The following PLEKHH2 variants were observed in gnomAD, a reference collection of about 807,000 sequenced individuals.
PLEKHH2 encodes pleckstrin homology, MyTH4 and FERM domain containing H2.
Under a neutral mutation model 187.9 loss-of-function variants are expected in PLEKHH2, and 129 were observed. That is an observed-to-expected ratio of 0.69 (90% CI 0.59 to 0.79). PLEKHH2 has a LOEUF of 0.79. Ranked by LOEUF, PLEKHH2 falls within the 30% of genes least tolerant of loss-of-function variation. The pLI is 0.00. For missense variants in PLEKHH2, 2,076 were observed against 1,751.2 expected, an observed-to-expected ratio of 1.19 and a Z score of -3.31; for synonymous variants, 686 against 605.6, an observed-to-expected ratio of 1.13 and a Z score of -1.95.
intron 19 of PLEKHH2, among the ~76,000 whole-genome samples, chr2:43,737,803 G>A (rs959150339): frequency 2.0e-5 from 3 of 152,202 alleles, no homozygotes; most frequent in African/African-American, 4.8e-5. Context: ...CAGTCACACA[G>A]ACCAACCCTG....
chr2:43,646,578 C>T (rs1401216794), intron 2 of PLEKHH2, among the ~76,000 whole-genome samples: 1 of 152,156 alleles, frequency 6.6e-6, no homozygotes, highest in Non-Finnish European at 1.5e-5. Flanking sequence ...AATTTTATGG[C>T]AACATTTGTT....
At chr2:43,702,055 C>T (rs76103865) in intron 8 of PLEKHH2, among the ~76,000 whole-genome samples, 5,187 of 152,288 alleles carry the variant, frequency 0.034, 316 homozygotes, top group African/African-American at 0.12. Context: ...AGGCGTGTCA[C>T]GCCACTGCAC....
chr2:43,765,455 T>C lies in PLEKHH2; in HGVS notation c.4339T>C (p.Phe1447Leu). 1 of 1,614,124 alleles carries C rather than the reference T, an allele frequency of 6.2e-7. No individual in the cohort carries two copies. The highest frequency in any genetic ancestry group is 8.5e-7 in the Non-Finnish European group (1 of 1,179,996). The change falls in exon 30 of 30, where the codon TTC becomes CTC. Residue 1447 changes from phenylalanine to leucine, a missense_variant. Coordinates refer to ENST00000282406, the MANE Select transcript of PLEKHH2 (RefSeq NM_172069.4). ...TTTGATCGCCAGTTACATAAACAACTTCCATCAGCAAAAGGCAGCATTTCA... is the reference window on the plus strand; with the variant it reads ...TTTGATCGCCAGTTACATAAACAACCTCCATCAGCAAAAGGCAGCATTTCA... Reference protein sequence around the residue: ...TLLIASYINNFHQQKAAFHHL... With the variant: ...TLLIASYINNLHQQKAAFHHL...
intron 15 of PLEKHH2, among the ~76,000 whole-genome samples, chr2:43,714,156 G>C (rs1035227016): frequency 1.3e-5 from 2 of 152,120 alleles, no homozygotes; most frequent in East Asian, 3.9e-4. Flanking sequence ...CAAACCCTGA[G>C]AGTTTAAGAT....
intron 27 of PLEKHH2, among the ~76,000 whole-genome samples, chr2:43,760,361 T>TG (rs1249821243): frequency 7.2e-6 from 1 of 138,822 alleles, no homozygotes; most frequent in African/African-American, 2.8e-5. Context: ...CCTTTAACCT[T>TG]TTTTTTTTTT....
chr2:43,752,754 G>GC (rs971982537), intron 24 of PLEKHH2, among the ~76,000 whole-genome samples: 5 of 152,134 alleles, frequency 3.3e-5, no homozygotes, highest in African/African-American at 1.2e-4. Context: ...TGAAGTCAGA[G>GC]CCCCACAAAT....
intron 17 of PLEKHH2, 76 bp downstream of exon 17, chr2:43,726,527 CAATTTAATGGAAAT>C: frequency 7.5e-7 from 1 of 1,338,978 alleles, no homozygotes; most frequent in Non-Finnish European, 1.0e-6. Context: ...ATTATCAAAT[CAATTTAATGGAAAT>C]AAGGAAGAAA....
Position 43,699,920 on chromosome 2 carries a change from G to C in PLEKHH2, c.962G>C (p.Gly321Ala). The C allele has an allele frequency of 6.2e-7, 1 of 1,614,168 alleles. No individual in the cohort carries two copies. Among genetic ancestry groups the C allele is most frequent in the Non-Finnish European group, 8.5e-7 (1 of 1,180,012 alleles). ...SEEGVQCSRMGSEMYLTASDD... is the reference protein window; with the variant it reads ...SEEGVQCSRMASEMYLTASDD... ...GAAGGGGTCCAGTGTAGCAGGATGG[G>C]AAGTGAAATGTATCTGACAGCATCT... is the stretch of plus-strand genomic sequence containing the variant. The change falls in exon 8 of 30, where the codon GGA (glycine) becomes GCA (alanine). Residue 321 changes from glycine (G) to alanine (A), a missense_variant. Transcript: ENST00000282406.
At chr2:43,701,387 G>A (rs1030705939) in intron 8 of PLEKHH2, among the ~76,000 whole-genome samples, 11 of 152,168 alleles carry the variant, frequency 7.2e-5, no homozygotes, top group African/African-American at 2.7e-4. Flanking sequence ...CTCTTGGGGA[G>A]GGGAAAGTGA....
At position 43,765,311 on chromosome 2, in the gene PLEKHH2, G is replaced by C. The variant is rs976937001; in HGVS notation, c.4297-102G>C. On this transcript the variant is annotated intron_variant, in intron 29 of 29. Transcript: ENST00000282406. ...AGAGAGAAGGGAATTCTGGTAGCCT[G>C]GGCACTTGCAAATGGAGCTCACCTG... is the stretch of plus-strand genomic sequence containing the variant. The C allele has an allele frequency of 5.6e-6, 6 of 1,067,216 alleles. No individual in the cohort carries two copies. The African/African-American group carries it at 7.9e-5, about 14-fold the overall frequency. 66.1% of individuals were successfully genotyped at this position (1,067,216 alleles called of 1,614,324 possible).
At chr2:43,678,533 C>T (rs950774124) in intron 2 of PLEKHH2, among the ~76,000 whole-genome samples, 2 of 152,196 alleles carry the variant, frequency 1.3e-5, no homozygotes, top group South Asian at 2.1e-4. Flanking sequence ...CACAGCGAAA[C>T]CCCGTCTCCA....
intron 3 of PLEKHH2, among the ~76,000 whole-genome samples, chr2:43,688,633 T>C (rs535602798): frequency 6.6e-6 from 1 of 152,316 alleles, no homozygotes; most frequent in South Asian, 2.1e-4. Context: ...TTGGGTTCAG[T>C]GATTTGCTAG....
chr2:43,723,907 C>T (rs551682789), intron 16 of PLEKHH2, among the ~76,000 whole-genome samples: 6 of 152,132 alleles, frequency 3.9e-5, no homozygotes, highest in African/African-American at 1.4e-4. Flanking sequence ...TTGCAGTAAT[C>T]CAGGTGAGAG....
chr2:43,694,061 G>GA (rs199832890), intron 4 of PLEKHH2, among the ~76,000 whole-genome samples: 225 of 150,408 alleles, frequency 1.5e-3, no homozygotes, highest in African/African-American at 5.0e-3. Context: ...TATTTGAGGG[G>GA]AAAAAAAAAG....
At position 43,701,765 on chromosome 2, in the gene PLEKHH2, T is replaced by TA. The variant is rs1262794166; in HGVS notation, c.1650+1159dup. 1.5e-4 allele frequency among the ~76,000 whole-genome samples: 19 copies of TA among 130,728 alleles called. 1 individual carries two copies. The East Asian group carries it at 3.0e-3, about 20-fold the overall frequency. The allele number at this position is 130,728 out of a possible 152,430, so 85.8% of individuals were successfully genotyped here. A position where few individuals can be genotyped will look rare whatever the true frequency, so the allele number is the denominator to read the frequency against. On this transcript the variant is annotated intron_variant, in intron 8 of 29. Coordinates refer to ENST00000282406, the MANE Select transcript of PLEKHH2 (RefSeq NM_172069.4). The stretch of plus-strand genomic sequence containing the variant: ...TAAAATGAAATGATCTGTTTAATTT[T>TA]AATTTTTTTTTTTTTTTTTGAGATG...
chr2:43,729,577 T>A lies in PLEKHH2; in HGVS notation c.2722-60T>A, dbSNP rs1670936905. The A allele has an allele frequency of 7.5e-6, 9 of 1,195,914 alleles. No individual in the cohort carries two copies. In the South Asian group the frequency reaches 1.7e-4, roughly 22 times the overall value. The allele number at this position is 1,195,914 out of a possible 1,614,324, so 74.1% of individuals were successfully genotyped here. The stretch of plus-strand genomic sequence containing the variant: ...AGTTTTCTACTGTTTATGCAAGTTG[T>A]TTTTTTTTCTTTAATCAAAACTGTG... On this transcript the variant is annotated intron_variant, in intron 17 of 29. Coordinates refer to ENST00000282406, the MANE Select transcript of PLEKHH2 (RefSeq NM_172069.4).
At chr2:43,694,042 GA>G (rs1668965036) in intron 4 of PLEKHH2, among the ~76,000 whole-genome samples, 1 of 151,924 alleles carries the variant, frequency 6.6e-6, no homozygotes, top group South Asian at 2.1e-4. Context: ...TTGCATCTTT[GA>G]AAGCTAGTAT....
rs112357966 is a variant in PLEKHH2, at chr2:43,739,106, G to T, written c.3123+586G>T. 6.1e-3 allele frequency among the ~76,000 whole-genome samples: 928 copies of T among 152,230 alleles called. 11 individuals are homozygous for T. Among genetic ancestry groups the T allele is most frequent in the African/African-American group, 0.021 (860 of 41,556 alleles). On this transcript the variant is annotated intron_variant, in intron 20 of 29. Transcript: ENST00000282406. ...GGGTTTCACCATGTTGGTCAGGCTG[G>T]CCTCGAACTCCTGATCTCAGGTGAT...
At chr2:43,709,873 C>A in intron 11 of PLEKHH2, 117 bp from the exon 12 acceptor site, 1 of 1,035,524 alleles carries the variant, frequency 9.7e-7, no homozygotes, top group African/African-American at 1.6e-5. Flanking sequence ...GAGAATAAAT[C>A]TAGTCTAGGG....
Sources: allele counts gnomAD v4.1 joint callset (sites outside exome capture counted in the v4.1 genomes callset), GRCh38; gene constraint gnomAD v4.1.1; transcripts MANE v1.5; gene names NCBI Gene and HGNC (gene_info 2026-07-23, HGNC 2026-07-21).